KIF17: variants seen among roughly 807,000 people sequenced by gnomAD.
KIF17 encodes the protein kinesin family member 17, also known as kinesin-like protein KIF17.
Under a neutral mutation model 96.8 loss-of-function variants are expected in KIF17, and 80 were observed. The ratio of observed to expected loss-of-function variants is 0.83; its 90% CI spans 0.69 to 1.00. The LOEUF is 1.00. Among genes scored for constraint, KIF17 ranks in the 50% least tolerant of loss-of-function variants. The pLI is 0.00. For synonymous variants in KIF17, 567 were observed against 587.5 expected, an observed-to-expected ratio of 0.97 and a Z score of 0.51; for missense variants, 1,280 against 1,372.9, an observed-to-expected ratio of 0.93 and a Z score of 1.07.
chr1:20,717,549 G>T lies in KIF17; in HGVS notation c.158C>A (p.Thr53Asn). 1 of 1,611,766 alleles carries T rather than the reference G, an allele frequency of 6.2e-7. No individual in the cohort carries two copies. The highest frequency in any genetic ancestry group is 2.2e-5 in the East Asian group (1 of 44,812). ...GTCCACGTGGTAGGCGCCGTCGAAG[G>T]TGAACTGCTTGGGCGGCTCGTCGGC... ...GAADEPPKQFTFDGAYHVDHV... is the reference protein window; with the variant it reads ...GAADEPPKQFNFDGAYHVDHV... Residue 53 changes from threonine (T) to asparagine (N), a missense_variant, in exon 1 of 15, where the codon ACC becomes AAC. Thr to Asn is a moderately conservative substitution (Grantham distance 65). Coordinates refer to ENST00000400463, the MANE Select transcript of KIF17 (RefSeq NM_001122819.3).
chr1:20,690,151 T>A (rs1477782655), intron 7 of KIF17, 37 bp downstream of exon 7: 9 of 1,613,146 alleles, frequency 5.6e-6, no homozygotes, highest in Non-Finnish European at 7.6e-6. Context: ...GAGGCCACCT[T>A]CCCTGGAGAC....
In KIF17 at chr1:20,704,319, G is replaced by A; in HGVS notation, c.1123+128C>T. The A allele has an allele frequency of 2.5e-6, 2 of 792,864 alleles. No individual in the cohort carries two copies. The highest frequency in any genetic ancestry group is 1.5e-5 in the South Asian group (1 of 68,268). 49.1% of individuals were successfully genotyped at this position (792,864 alleles called of 1,614,324 possible). A position where few individuals can be genotyped will look rare whatever the true frequency, so the allele number is the denominator to read the frequency against. On this transcript the variant is annotated intron_variant, in intron 5 of 14. Transcript: ENST00000400463. This position sits in a 1 kb window ranked among gnomAD's most constrained non-coding sequence, Gnocchi z 6.8. ...CCAACCAGGGCCCTGCGCTCACATG[G>A]GGCTGAGGGGTGGGAGGATGCTGCT...
chr1:20,682,710 G>T lies in KIF17; in HGVS notation c.2406C>A (p.Asp802Glu). 4 of 1,613,908 alleles carry T rather than the reference G, an allele frequency of 2.5e-6. No homozygotes were observed. The highest frequency in any genetic ancestry group is 3.4e-6 in the Non-Finnish European group (4 of 1,180,044). The change falls in exon 11 of 15, where the codon GAC (aspartate) becomes GAA (glutamate). Residue 802 changes from aspartate to glutamate, a missense_variant. Asp to Glu is a conservative substitution (Grantham distance 45). Transcript: ENST00000400463. ...TGGCCCGCACTTCCTCCTGGATGGA[G>T]TCGTAGACGTTAAGCAGCACCCAGT... Reference protein sequence around the residue: ...SGDWVLLNVYDSIQEEVRAKS... With the variant: ...SGDWVLLNVYESIQEEVRAKS...
rs139355427 is a variant in KIF17, at chr1:20,715,557, G to A, written c.314C>T (p.Pro105Leu). ...GATGCCTCTCTGGGAGGGCGGATCCGGCAGGCCCTGCATGGTGAAGGACTT... is the reference window on the plus strand; with the variant it reads ...GATGCCTCTCTGGGAGGGCGGATCCAGCAGGCCCTGCATGGTGAAGGACTT... ...SGKSFTMQGL[P>L]DPPSQRGIIP... The change falls in exon 2 of 15, where the codon CCG (proline) becomes CTG (leucine). Residue 105 changes from proline to leucine, a missense_variant. Coordinates refer to ENST00000400463, the MANE Select transcript of KIF17 (RefSeq NM_001122819.3). The A allele has an allele frequency of 8.1e-6, 13 of 1,613,572 alleles. No homozygotes were observed. Among genetic ancestry groups the A allele is most frequent in the South Asian group, 1.1e-5 (1 of 91,082 alleles).
chr1:20,684,984 C>G lies in KIF17; in HGVS notation c.2056G>C (p.Val686Leu). The G allele has an allele frequency of 3.7e-6, 6 of 1,605,654 alleles. No homozygotes were observed. The highest frequency in any genetic ancestry group is 5.1e-6 in the Non-Finnish European group (6 of 1,176,332). Residue 686 changes from valine (V) to leucine (L), a missense_variant, in exon 10 of 15, where the codon GTG (valine) becomes CTG (leucine). Coordinates refer to ENST00000400463, the MANE Select transcript of KIF17 (RefSeq NM_001122819.3). ...DLASEVALEV[V>L]RTAEPGVWLE... ...CACACGCCAGGCTCTGCTGTCCGCA[C>G]CACCTCTAAGGCCACTTCCGAGGCC...
At position 20,717,920 on chromosome 1, in the gene KIF17, C is replaced by T. The variant is rs1293238239; in HGVS notation, c.-214G>A. 2.2e-4 allele frequency: 43 copies of T among 198,054 alleles called. No homozygotes were observed. Among genetic ancestry groups the T allele is most frequent in the Non-Finnish European group, 3.5e-4 (37 of 104,724 alleles). The allele number at this position is 198,054 out of a possible 1,614,324, so 12.3% of individuals were successfully genotyped here. On this transcript the variant is annotated 5_prime_UTR_variant, in exon 1 of 15. Coordinates refer to ENST00000400463, the MANE Select transcript of KIF17 (RefSeq NM_001122819.3). ...CCGAGCCGGGGCCGCCGCTTCCTCC[C>T]GCGCCCGGGCTCGCCCGTTTCTGAG...
chr1:20,671,720 A>G (rs932984263), intron 12 of KIF17, among the ~76,000 whole-genome samples: 23 of 152,186 alleles, frequency 1.5e-4, no homozygotes, highest in African/African-American at 5.6e-4. Flanking sequence ...CCGAGTCCCA[A>G]AAAGGGCACA....
chr1:20,686,687 C>A (rs2154536049), intron 8 of KIF17, among the ~76,000 whole-genome samples: 1 of 152,222 alleles, frequency 6.6e-6, no homozygotes, highest in East Asian at 1.9e-4. Flanking sequence ...TCCTGAGTAG[C>A]TGGGATTACA....
At chr1:20,684,736 C>T (rs369083160) in intron 10 of KIF17, 73 bp downstream of exon 10, 56 of 1,424,638 alleles carry the variant, frequency 3.9e-5, no homozygotes, top group East Asian at 2.7e-4. Context: ...ATGGCACCCC[C>T]GCCTCCATCC....
Position 20,704,578 on chromosome 1 carries a change from C to T in KIF17, c.992G>A (p.Arg331Gln), listed in dbSNP as rs202087220. ...CGGCTTGTTCCTGATGTTCTTGGCC[C>T]GGTTGGCGTAGCGCAGCGTGCTGAG... ...ETLSTLRYAN[R>Q]AKNIRNKPRI... The change falls in exon 5 of 15, where the codon CGG becomes CAG. Residue 331 changes from arginine to glutamine, a missense_variant. Coordinates refer to ENST00000400463, the MANE Select transcript of KIF17 (RefSeq NM_001122819.3). The surrounding 1 kb of genome is among the most constrained non-coding windows in gnomAD (Gnocchi z 6.8). 205 of 1,614,064 alleles carry T rather than the reference C, an allele frequency of 1.3e-4. No homozygotes were observed. The highest frequency in any genetic ancestry group is 1.6e-4 in the Non-Finnish European group (184 of 1,180,038).
At chr1:20,707,797 G>A (rs950343907) in intron 4 of KIF17, among the ~76,000 whole-genome samples, 6 of 96,404 alleles carry the variant, frequency 6.2e-5, no homozygotes, top group Non-Finnish European at 1.0e-4. Context: ...ATGTGTGTGT[G>A]TGTGTGTGTG....
At position 20,670,452 on chromosome 1, in the gene KIF17, G is replaced by A; in HGVS notation, c.2759C>T (p.Thr920Ile). 1 of 1,614,074 alleles carries A rather than the reference G, an allele frequency of 6.2e-7. No individual in the cohort carries two copies. ...CGGCTCGCCATTGTCTGCTGCAGAG[G>A]TTTTGCGGGCTGGTTTGTTCTGTGG... ...TGPQNKPARKTSAADNGEPNM... is the reference protein window; with the variant it reads ...TGPQNKPARKISAADNGEPNM... Residue 920 changes from threonine (T) to isoleucine (I), a missense_variant, in exon 13 of 15, where the codon ACC becomes ATC. Coordinates refer to ENST00000400463, the MANE Select transcript of KIF17 (RefSeq NM_001122819.3).
At chr1:20,671,418 C>A (rs1380207782) in intron 12 of KIF17, among the ~76,000 whole-genome samples, 6 of 152,162 alleles carry the variant, frequency 3.9e-5, no homozygotes, top group Admixed American at 3.9e-4. Flanking sequence ...GCAGCCTTGA[C>A]TTCCCAGGCT....
Position 20,685,264 on chromosome 1 carries a change from A to G in KIF17, c.2020-244T>C, listed in dbSNP as rs1003006462. The G allele has an allele frequency of 1.5e-6, 1 of 674,852 alleles. No homozygotes were observed. The highest frequency in any genetic ancestry group is 1.8e-5 in the African/African-American group (1 of 56,620). 41.8% of individuals were successfully genotyped at this position (674,852 alleles called of 1,614,324 possible). A position where few individuals can be genotyped will look rare whatever the true frequency, so the allele number is the denominator to read the frequency against. ...CTTCCTCTCTCACCTCCCACAATCC[A>G]GTCTCCACAGGCAGCCAGGGCCATC... On this transcript the variant is annotated intron_variant, in intron 9 of 14. Transcript: ENST00000400463. This position sits in a 1 kb window ranked among gnomAD's most constrained non-coding sequence, Gnocchi z 4.1.
chr1:20,675,274 C>T (rs1026841286), intron 11 of KIF17, among the ~76,000 whole-genome samples: 1 of 151,466 alleles, frequency 6.6e-6, no homozygotes, highest in Non-Finnish European at 1.5e-5. Context: ...AATGAAACCC[C>T]GTCTCTACTA....
At position 20,717,856 on chromosome 1, in the gene KIF17, T is replaced by A; in HGVS notation, c.-150A>T. On this transcript the variant is annotated 5_prime_UTR_variant, in exon 1 of 15. Transcript: ENST00000400463. ...GGCCGCGGCGGGGGGCGGGGACCCC[T>A]CGGGGGGCGCCCCGGAGGGGAGCTG... 2.1e-6 allele frequency: 1 copy of A among 485,288 alleles called. No homozygotes were observed. The highest frequency in any genetic ancestry group is 2.5e-6 in the Non-Finnish European group (1 of 403,712). 30.1% of individuals were successfully genotyped at this position (485,288 alleles called of 1,614,324 possible).
chr1:20,712,004 T>G (rs1157596069), intron 3 of KIF17, among the ~76,000 whole-genome samples: 1 of 152,078 alleles, frequency 6.6e-6, no homozygotes, highest in Non-Finnish European at 1.5e-5. Context: ...CCCGGTGACC[T>G]CTGGAGTGTG....
At chr1:20,698,624 C>T in intron 5 of KIF17, 136 bp from the exon 6 acceptor site, 2 of 634,566 alleles carry the variant, frequency 3.2e-6, no homozygotes, top group South Asian at 3.6e-5. Flanking sequence ...AAACACATCT[C>T]CATGTAAAAG....
intron 13 of KIF17, among the ~76,000 whole-genome samples, chr1:20,668,388 C>A (rs1557580188): frequency 6.6e-6 from 1 of 151,908 alleles, no homozygotes; most frequent in Non-Finnish European, 1.5e-5. Flanking sequence ...TGAAACTGGT[C>A]CACTTACATG....
Sources: allele counts gnomAD v4.1 joint callset (sites outside exome capture counted in the v4.1 genomes callset), GRCh38; gene constraint gnomAD v4.1.1; non-coding constraint Gnocchi (gnomAD v3.1); transcripts MANE v1.5; gene names NCBI Gene and HGNC (gene_info 2026-07-23, HGNC 2026-07-21).